Variants in VCL observed in about 807,000 individuals in gnomAD.
VCL encodes the protein vinculin.
Under a neutral mutation model 125.7 loss-of-function variants are expected in VCL, and 47 were observed. That is an observed-to-expected ratio of 0.37 (90% CI 0.30 to 0.48). The LOEUF (loss-of-function observed/expected upper bound fraction) is 0.48. Ranked by LOEUF, VCL falls within the 20% of genes least tolerant of loss-of-function variation. The pLI, the probability that VCL is intolerant of heterozygous loss-of-function variation, is 0.99. For missense variants in VCL, 1,069 were observed against 1,455.5 expected (o/e 0.73, Z 4.32); for synonymous variants, 458 against 514.6 (o/e 0.89, Z 1.49).
At chr10:74,089,065 G>C in intron 8 of VCL, 131 bp from the exon 9 acceptor site, 1 of 1,325,048 alleles carries the variant, frequency 7.5e-7, no homozygotes, top group Non-Finnish European at 1.1e-6. Flanking sequence ...TTCTTGTGCT[G>C]TCCCAGATTT....
At chr10:74,022,254 T>A (rs897186480) in intron 1 of VCL, among the ~76,000 whole-genome samples, 16 of 152,050 alleles carry the variant, frequency 1.1e-4, no homozygotes, top group African/African-American at 3.9e-4. Context: ...TATTCAAAAT[T>A]AAAACTTCAG....
intron 8 of VCL, among the ~76,000 whole-genome samples, chr10:74,084,266 T>G (rs1839731503): frequency 6.6e-6 from 1 of 151,898 alleles, no homozygotes; most frequent in Non-Finnish European, 1.5e-5. Context: ...TGGCCTGACT[T>G]TATTTAAAAC....
intron 8 of VCL, among the ~76,000 whole-genome samples, chr10:74,083,959 C>T (rs1839723028): frequency 6.6e-6 from 1 of 152,094 alleles, no homozygotes; most frequent in Non-Finnish European, 1.5e-5. Context: ...CCTCCAGCTC[C>T]GTGGTTCAAG....
chr10:74,018,187 T>TATATATATATATATAA (rs1840592535), intron 1 of VCL, among the ~76,000 whole-genome samples: 1 of 136,890 alleles, frequency 7.3e-6, no homozygotes, highest in Non-Finnish European at 1.6e-5. Context: ...GATATATATA[T>TATATATATATATATAA]ATATATATAT....
intron 2 of VCL, among the ~76,000 whole-genome samples, chr10:74,059,926 G>A (rs1841451718): frequency 6.6e-6 from 1 of 152,164 alleles, no homozygotes; most frequent in African/African-American, 2.4e-5. Flanking sequence ...CACTTTGTGA[G>A]GCAAGGCAGG....
chr10:74,019,216 CAG>C (rs1276227703), intron 1 of VCL, among the ~76,000 whole-genome samples: 4 of 152,148 alleles, frequency 2.6e-5, no homozygotes, highest in Admixed American at 1.3e-4. Context: ...TGTTAGAAAA[CAG>C]AGAAATCTTG....
intron 14 of VCL, 38 bp from the exon 15 acceptor site, chr10:74,103,781 AG>A (rs1220214549): frequency 6.4e-7 from 1 of 1,566,480 alleles, no homozygotes; most frequent in Non-Finnish European, 8.8e-7. Flanking sequence ...CTGGAGAGCA[AG>A]GGTGCTCTGG....
chr10:74,037,078 T>C (rs900972783), intron 1 of VCL, among the ~76,000 whole-genome samples: 1 of 151,956 alleles, frequency 6.6e-6, no homozygotes, highest in African/African-American at 2.4e-5. Flanking sequence ...GCCCGGCTAA[T>C]TTTTTGTATT....
chr10:74,065,421 G>A (rs1293080496), intron 2 of VCL, among the ~76,000 whole-genome samples: 2 of 152,118 alleles, frequency 1.3e-5, no homozygotes, highest in Non-Finnish European at 2.9e-5. Flanking sequence ...ACAGGTGTGA[G>A]CCACTGTGCC....
intron 10 of VCL, 148 bp from the exon 11 acceptor site, chr10:74,094,123 G>A (rs1436542967): frequency 2.2e-5 from 19 of 874,346 alleles, no homozygotes; most frequent in Non-Finnish European, 3.3e-5. Flanking sequence ...CTTATGTAAG[G>A]GCCAAATAAA....
intron 2 of VCL, among the ~76,000 whole-genome samples, chr10:74,043,792 A>C (rs1350107093): frequency 6.6e-6 from 1 of 152,050 alleles, no homozygotes; most frequent in Non-Finnish European, 1.5e-5. Flanking sequence ...TAAGGGAATA[A>C]TGGTAGATAT....
intron 2 of VCL, among the ~76,000 whole-genome samples, chr10:74,060,427 T>G (rs559353104): frequency 5.3e-4 from 81 of 151,518 alleles, no homozygotes; most frequent in African/African-American, 1.9e-3. Context: ...CCGAAGTGGG[T>G]GGATCACTTG....
At chr10:74,045,009 T>C (rs532788686) in intron 2 of VCL, among the ~76,000 whole-genome samples, 2 of 151,792 alleles carry the variant, frequency 1.3e-5, no homozygotes, top group African/African-American at 4.8e-5. Context: ...TGAAAACTCA[T>C]CTCTACAAAA....
chr10:74,078,499 T>A (rs1486587912), intron 6 of VCL, among the ~76,000 whole-genome samples: 1 of 152,196 alleles, frequency 6.6e-6, no homozygotes, highest in Non-Finnish European at 1.5e-5. Flanking sequence ...GAATGAAAGA[T>A]CTCTAAGAGC....
chr10:74,091,326 T>C (rs976124188), intron 10 of VCL, among the ~76,000 whole-genome samples: 1 of 152,218 alleles, frequency 6.6e-6, no homozygotes, highest in African/African-American at 2.4e-5. Flanking sequence ...TGTGTGGTCA[T>C]TCATGCCATC....
intron 8 of VCL, among the ~76,000 whole-genome samples, 179 bp from the exon 9 acceptor site, chr10:74,089,017 G>A (rs1022825400): frequency 6.6e-6 from 1 of 152,172 alleles, no homozygotes; most frequent in Non-Finnish European, 1.5e-5. Context: ...AAAAGAAAAA[G>A]TACTTGATTT....
chr10:74,024,597 G>A (rs112256047), intron 1 of VCL, among the ~76,000 whole-genome samples: 1 of 143,938 alleles, frequency 6.9e-6, no homozygotes, highest in Non-Finnish European at 1.5e-5. Context: ...CAAGAGCAAC[G>A]TGACACTCCA....
chr10:74,121,046 T>C (rs778583580), downstream of VCL: 2 of 152,174 alleles, frequency 1.3e-5, no homozygotes, highest in Non-Finnish European at 2.9e-5. Flanking sequence ...AGGGTGATGA[T>C]ATTGATATTT....
At chr10:74,114,466 A>T in intron 20 of VCL, 79 bp downstream of exon 20, 2 of 1,509,116 alleles carry the variant, frequency 1.3e-6, no homozygotes, top group Non-Finnish European at 1.8e-6. Flanking sequence ...AGGGGAGGGT[A>T]TGAGAGGGAG....
Sources: allele counts gnomAD v4.1 joint callset (sites outside exome capture counted in the v4.1 genomes callset), GRCh38; gene constraint gnomAD v4.1.1; transcripts MANE v1.5; gene names NCBI Gene and HGNC (gene_info 2026-07-23, HGNC 2026-07-21).